NRXN3: variants seen among roughly 807,000 people sequenced by gnomAD.
NRXN3 encodes the protein neurexin 3.
NRXN3 carries 32 observed loss-of-function variants against 137.6 expected under a neutral mutation model. The ratio of observed to expected loss-of-function variants is 0.23; its 90% CI spans 0.18 to 0.31. NRXN3 has a LOEUF of 0.31. NRXN3 is among the 10% of genes least tolerant of loss of function. The pLI is 1.00. For synonymous variants in NRXN3, 798 were observed against 784.5 expected (o/e 1.02, Z -0.29); for missense variants, 1,574 against 2,062.5 (o/e 0.76, Z 4.59).
chr14:78,219,046 T>G (rs189097535), intron 1 of NRXN3, among the ~76,000 whole-genome samples: 427 of 152,288 alleles, frequency 2.8e-3, no homozygotes, highest in Middle Eastern at 0.01. Flanking sequence ...GGACACCAGT[T>G]AGATTGGATT....
At chr14:78,925,286 T>C (rs1175402146) in intron 10 of NRXN3, among the ~76,000 whole-genome samples, 2 of 152,190 alleles carry the variant, frequency 1.3e-5, no homozygotes, top group Admixed American at 6.5e-5. Context: ...TGGTTTCTAG[T>C]GAGAAACAAT....
chr14:78,640,350 A>G (rs1000689710), intron 4 of NRXN3, among the ~76,000 whole-genome samples: 26 of 152,202 alleles, frequency 1.7e-4, no homozygotes, highest in African/African-American at 5.8e-4. Flanking sequence ...CAGTAAAATT[A>G]TGCAATGGTT....
intron 15 of NRXN3, among the ~76,000 whole-genome samples, chr14:79,038,914 C>T (rs926414306): frequency 1.3e-5 from 2 of 152,064 alleles, no homozygotes; most frequent in African/African-American, 4.8e-5. Flanking sequence ...TTTATTTCAA[C>T]GAGTGGCTAA....
intron 15 of NRXN3, among the ~76,000 whole-genome samples, chr14:79,064,859 G>A (rs981572999): frequency 3.3e-5 from 5 of 149,816 alleles, no homozygotes; most frequent in African/African-American, 1.2e-4. Flanking sequence ...ACCTTTAGGT[G>A]TAATTAGAGT....
chr14:78,726,941 T>C (rs945614305), intron 8 of NRXN3, among the ~76,000 whole-genome samples: 2 of 129,654 alleles, frequency 1.5e-5, no homozygotes. Context: ...CTTTGGGAGC[T>C]ATACAGGATT....
At chr14:79,440,770 G>A (rs1254445295) in intron 15 of NRXN3, among the ~76,000 whole-genome samples, 3 of 152,144 alleles carry the variant, frequency 2.0e-5, no homozygotes, top group Non-Finnish European at 2.9e-5. Context: ...CTAGAGACCA[G>A]CATCGAGAGT....
chr14:78,871,079 A>G (rs1178120188), intron 10 of NRXN3, among the ~76,000 whole-genome samples: 1 of 147,626 alleles, frequency 6.8e-6, no homozygotes, highest in Non-Finnish European at 1.5e-5. Context: ...ATATATACCC[A>G]GAAGTGGCAT....
intron 4 of NRXN3, among the ~76,000 whole-genome samples, chr14:78,599,453 A>G (rs919742391): frequency 6.6e-6 from 1 of 152,256 alleles, no homozygotes; most frequent in African/African-American, 2.4e-5. Flanking sequence ...TAGTTAACAC[A>G]TAGCAATCTG....
At chr14:79,745,757 C>A (rs915273561) in intron 19 of NRXN3, among the ~76,000 whole-genome samples, 1 of 144,428 alleles carries the variant, frequency 6.9e-6, no homozygotes, top group East Asian at 2.0e-4. Context: ...CCATGCTCCC[C>A]CCTGCAATCT....
intron 16 of NRXN3, among the ~76,000 whole-genome samples, chr14:79,631,106 G>A (rs953713542): frequency 6.6e-6 from 1 of 152,184 alleles, no homozygotes; most frequent in African/African-American, 2.4e-5. Context: ...TATTTACCAA[G>A]TGCCTACTAT....
chr14:79,686,756 G>A (rs2098696866), intron 17 of NRXN3, among the ~76,000 whole-genome samples: 1 of 152,114 alleles, frequency 6.6e-6, no homozygotes, highest in African/African-American at 2.4e-5. Flanking sequence ...TGCTTAAACA[G>A]ATCAACTAGC....
intron 15 of NRXN3, among the ~76,000 whole-genome samples, chr14:79,379,490 G>A (rs1460663919): frequency 5.3e-5 from 8 of 152,104 alleles, no homozygotes; most frequent in Admixed American, 6.6e-5. Flanking sequence ...TAGCAGGTGC[G>A]TAGCTCAGGA....
At chr14:79,115,228 G>A (rs2054216783) in intron 15 of NRXN3, among the ~76,000 whole-genome samples, 1 of 151,842 alleles carries the variant, frequency 6.6e-6, no homozygotes, top group Admixed American at 6.6e-5. Flanking sequence ...GGGAGGCTGA[G>A]GCAGGAGAAT....
chr14:78,209,835 T>C (rs891423494), intron 1 of NRXN3, among the ~76,000 whole-genome samples: 4 of 152,190 alleles, frequency 2.6e-5, no homozygotes, highest in Admixed American at 1.3e-4. Context: ...TGCAGTCCTC[T>C]CCCTCAGCAC....
At chr14:78,513,018 A>C (rs2096137907) in intron 4 of NRXN3, among the ~76,000 whole-genome samples, 1 of 152,178 alleles carries the variant, frequency 6.6e-6, no homozygotes, top group African/African-American at 2.4e-5. Context: ...ATCCCAGAGC[A>C]TTTGTTGTAA....
rs116361191 is a variant in NRXN3 at position 79,118,684 on chromosome 14, A to G, written c.3262+130543A>G. On this transcript the variant is annotated intron_variant, in intron 15 of 20. Transcript: ENST00000335750. ...GCATAATCTGGCTCTTATAGTGGAC[A>G]CATTTGGTTAGATACAAGTGTAAGA... Among the ~76,000 whole-genome samples, 1,112 of 152,356 alleles carry G rather than the reference A, an allele frequency of 7.3e-3. 11 individuals carry two copies. Among genetic ancestry groups the G allele is most frequent in the African/African-American group, 0.026 (1,070 of 41,588 alleles).
intron 10 of NRXN3, among the ~76,000 whole-genome samples, chr14:78,936,640 AT>A (rs767166097): frequency 2.0e-5 from 3 of 152,228 alleles, no homozygotes; most frequent in Non-Finnish European, 4.4e-5. Context: ...ATCAAAACTT[AT>A]AAAATTGTAC....
At chr14:79,289,488 C>T (rs1399759788) in intron 15 of NRXN3, among the ~76,000 whole-genome samples, 2 of 152,130 alleles carry the variant, frequency 1.3e-5, no homozygotes, top group Non-Finnish European at 1.5e-5. Context: ...GGCGTGGTGG[C>T]ATACGCCTGT....
intron 1 of NRXN3, among the ~76,000 whole-genome samples, chr14:78,179,535 T>G (rs1421008460): frequency 6.6e-6 from 1 of 152,124 alleles, no homozygotes; most frequent in African/African-American, 2.4e-5. Flanking sequence ...GGCCCCAAGC[T>G]GGAGTCAGCA....
Sources: gnomAD v4.1 joint callset for allele counts (sites outside exome capture counted in the v4.1 genomes callset) on GRCh38, gnomAD v4.1.1 for gene constraint, MANE v1.5 for transcripts, NCBI Gene and HGNC (gene_info 2026-07-23, HGNC 2026-07-21) for gene names.